The following GLG1 variants were observed in gnomAD, a reference collection of about 807,000 sequenced individuals.
GLG1 encodes the protein Golgi apparatus protein 1.
In GLG1, 38 loss-of-function variants were observed where a neutral mutation model predicts 160.5. The ratio of observed to expected loss-of-function variants is 0.24; its 90% CI spans 0.18 to 0.31. The LOEUF is 0.31. Among genes scored for constraint, GLG1 ranks in the 10% least tolerant of loss-of-function variants. The pLI is 1.00. For missense variants in GLG1, 1,373 were observed against 1,505.2 expected, an observed-to-expected ratio of 0.91 and a Z score of 1.45; for synonymous variants, 644 against 543.4, an observed-to-expected ratio of 1.19 and a Z score of -2.57.
At chr16:74,525,579 A>G (rs1333027676) in intron 2 of GLG1, among the ~76,000 whole-genome samples, 1 of 150,160 alleles carries the variant, frequency 6.7e-6, no homozygotes. Context: ...TAAAGGTATG[A>G]GCCACCCCAC....
At chr16:74,453,437 T>C in intron 25 of GLG1, 103 bp from the exon 26 acceptor site, 1 of 709,430 alleles carries the variant, frequency 1.4e-6, no homozygotes, top group East Asian at 2.7e-5. Context: ...TTTATGTCTT[T>C]TCTTTTGGAG....
At chr16:74,549,759 G>C (rs2018147250) in intron 1 of GLG1, among the ~76,000 whole-genome samples, 1 of 151,690 alleles carries the variant, frequency 6.6e-6, no homozygotes, top group South Asian at 2.1e-4. Context: ...ATAACCTTGA[G>C]AAAAGTTTGG....
At chr16:74,489,911 TCA>T (rs879632863) in intron 8 of GLG1, among the ~76,000 whole-genome samples, 2 of 152,232 alleles carry the variant, frequency 1.3e-5, no homozygotes, top group Non-Finnish European at 2.9e-5. Context: ...AAGTTTTGTT[TCA>T]GACTGTAAAA....
rs1395620389 is a variant in GLG1, at chr16:74,503,386, T to C, written c.774+145A>G. On this transcript the variant is annotated intron_variant, in intron 4 of 25. Transcript: ENST00000422840. ...CATGAAATACATTGTCAACCAGCCT[T>C]AGCTCTTAGGGCTGTCTGGACAAGT... The C allele has an allele frequency of 1.2e-5, 8 of 644,756 alleles. No homozygotes were observed. In the East Asian group the frequency reaches 2.1e-4, roughly 17 times the overall value. The allele number at this position is 644,756 out of a possible 1,614,324, so 39.9% of individuals were successfully genotyped here. A position where few individuals can be genotyped will look rare whatever the true frequency, so the allele number is the denominator to read the frequency against.
At chr16:74,588,105 G>A (rs566489628) in intron 1 of GLG1, among the ~76,000 whole-genome samples, 40 of 151,852 alleles carry the variant, frequency 2.6e-4, no homozygotes, top group African/African-American at 6.5e-4. Flanking sequence ...CAGGGGGAGC[G>A]TTGGTGGGGG....
intron 1 of GLG1, among the ~76,000 whole-genome samples, chr16:74,587,540 G>T (rs1009461719): frequency 6.6e-6 from 1 of 152,156 alleles, no homozygotes; most frequent in African/African-American, 2.4e-5. Flanking sequence ...ATCAAGAAAT[G>T]ACAGACATGA....
intron 1 of GLG1, among the ~76,000 whole-genome samples, chr16:74,591,445 G>A (rs1376199904): frequency 2.6e-5 from 4 of 151,968 alleles, no homozygotes; most frequent in Admixed American, 1.3e-4. Flanking sequence ...TGGCTAACAC[G>A]GTGAAATCCC....
chr16:74,472,221 C>G, intron 14 of GLG1, 128 bp downstream of exon 14: 1 of 684,274 alleles, frequency 1.5e-6, no homozygotes, highest in Middle Eastern at 2.5e-4. Context: ...TTAATTTTAA[C>G]TTGTCAAAGC....
rs1443159952 is a variant in GLG1 at position 74,470,355 on chromosome 16, TTCCCTCCTTCCTTCCTTCCC to T, written c.2230-302_2230-283del. 3.0e-4 allele frequency among the ~76,000 whole-genome samples: 41 copies of T among 138,646 alleles called. 2 individuals are homozygous for T. The highest frequency in any genetic ancestry group is 2.2e-3 in the East Asian group (10 of 4,544). The allele number at this position is 138,646 out of a possible 152,430, so 91.0% of individuals were successfully genotyped here. On this transcript the variant is annotated intron_variant, in intron 15 of 25. Coordinates refer to ENST00000422840, the MANE Select transcript of GLG1 (RefSeq NM_001145667.2). ...CTTCTTTCCTTCCCTCCTTCCTTCC[TTCCCTCCTTCCTTCCTTCCC>T]TCCCTCCTTCCTTCCTTCCCTCCCT... is the stretch of plus-strand genomic sequence containing the variant.
At chr16:74,512,398 G>T (rs536860213) in intron 2 of GLG1, among the ~76,000 whole-genome samples, 1 of 152,102 alleles carries the variant, frequency 6.6e-6, no homozygotes, top group South Asian at 2.1e-4. Context: ...GTACTAGCTG[G>T]GATTACAGGT....
At chr16:74,593,569 G>C (rs1958233294) in intron 1 of GLG1, among the ~76,000 whole-genome samples, 1 of 151,672 alleles carries the variant, frequency 6.6e-6, no homozygotes, top group Non-Finnish European at 1.5e-5. Flanking sequence ...TGAGTAGCTG[G>C]GATTACAGGC....
At chr16:74,529,112 ACCTGCCACCACACCC>A (rs2017444376) in intron 2 of GLG1, among the ~76,000 whole-genome samples, 1 of 151,790 alleles carries the variant, frequency 6.6e-6, no homozygotes, top group South Asian at 2.1e-4. Flanking sequence ...GATTACAGGC[ACCTGCCACCACACCC>A]AGCTGATTTT....
At chr16:74,453,846 C>T (rs1403947302) in intron 25 of GLG1, among the ~76,000 whole-genome samples, 5 of 151,210 alleles carry the variant, frequency 3.3e-5, no homozygotes, top group African/African-American at 4.9e-5. Flanking sequence ...AAGTTGACAT[C>T]GTTTTACATA....
intron 23 of GLG1, chr16:74,458,227 T>A: frequency 4.8e-6 from 2 of 414,144 alleles, no homozygotes; most frequent in Admixed American, 3.8e-5. Flanking sequence ...CAGGGGACTG[T>A]AAGTGACTGT....
intron 13 of GLG1, among the ~76,000 whole-genome samples, chr16:74,473,598 CCT>C (rs1347747288): frequency 1.3e-5 from 2 of 151,950 alleles, no homozygotes; most frequent in Non-Finnish European, 2.9e-5. Flanking sequence ...CGCCACCACA[CCT>C]GACTAATTTT....
At chr16:74,605,879 G>C (rs1958553747) in intron 1 of GLG1, among the ~76,000 whole-genome samples, 1 of 152,056 alleles carries the variant, frequency 6.6e-6, no homozygotes, top group Non-Finnish European at 1.5e-5. Flanking sequence ...TGTCATTATG[G>C]TCTGCAGCAT....
rs950134396 is a variant in GLG1, at chr16:74,453,121, C to G, written c.*46G>C. On this transcript the variant is annotated 3_prime_UTR_variant, in exon 26 of 26. Coordinates refer to ENST00000422840, the MANE Select transcript of GLG1 (RefSeq NM_001145667.2). ...GGGGATGCTATACAAGAGGGCTGTACAAACTGGGCACTGGATAGGTAGTTC... is the reference window on the plus strand; with the variant it reads ...GGGGATGCTATACAAGAGGGCTGTAGAAACTGGGCACTGGATAGGTAGTTC... 6.3e-7 allele frequency: 1 copy of G among 1,598,594 alleles called. No homozygotes were observed. Among genetic ancestry groups the G allele is most frequent in the African/African-American group, 1.3e-5 (1 of 74,552 alleles).
intron 13 of GLG1, among the ~76,000 whole-genome samples, chr16:74,473,437 C>CTTTTT (rs11421713): frequency 1.1e-4 from 12 of 110,988 alleles, no homozygotes; most frequent in East Asian, 2.6e-4. Flanking sequence ...TGGTCTTGAC[C>CTTTTT]TTTTTTTTTT....
intron 1 of GLG1, among the ~76,000 whole-genome samples, chr16:74,572,415 G>A (rs1304080775): frequency 1.3e-5 from 2 of 151,832 alleles, no homozygotes; most frequent in East Asian, 1.9e-4. Context: ...CAAGGCTGAG[G>A]CAGGAGAGTC....
Sources: allele counts gnomAD v4.1 joint callset (sites outside exome capture counted in the v4.1 genomes callset), GRCh38; gene constraint gnomAD v4.1.1; transcripts MANE v1.5; gene names NCBI Gene and HGNC (gene_info 2026-07-23, HGNC 2026-07-21).